GPC6: variants seen among roughly 807,000 people sequenced by gnomAD.
GPC6 encodes glypican 6, also known as glypican-6.
In GPC6, 14 loss-of-function variants were observed where a neutral mutation model predicts 55.2. The ratio of observed to expected loss-of-function variants is 0.25; its 90% confidence interval spans 0.17 to 0.40. The LOEUF (loss-of-function observed/expected upper bound fraction) is 0.40. Ranked by LOEUF, GPC6 falls within the 10% of genes least tolerant of loss-of-function variation. GPC6 has a pLI of 1.00. For missense variants in GPC6, 641 were observed against 708.5 expected, an observed-to-expected ratio of 0.90 and a Z score of 1.08; for synonymous variants, 278 against 259.6, an observed-to-expected ratio of 1.07 and a Z score of -0.68.
intron 1 of GPC6, among the ~76,000 whole-genome samples, chr13:93,345,086 C>T (rs1880383333): frequency 6.6e-6 from 1 of 152,060 alleles, no homozygotes; most frequent in Admixed American, 6.6e-5. Context: ...ACTGAATGCT[C>T]AAGATGATTT....
intron 8 of GPC6, among the ~76,000 whole-genome samples, chr13:94,402,070 T>C (rs1166481015): frequency 6.6e-6 from 1 of 152,200 alleles, no homozygotes; most frequent in East Asian, 1.9e-4. Context: ...TCATAGTTTG[T>C]CAACTTCTGG....
At chr13:94,079,786 G>A (rs1374428786) in intron 4 of GPC6, among the ~76,000 whole-genome samples, 2 of 152,100 alleles carry the variant, frequency 1.3e-5, no homozygotes, top group African/African-American at 4.8e-5. Flanking sequence ...TTATTTCTTT[G>A]TGTCTGTTTC....
At chr13:93,516,047 C>T (rs1881176810) in intron 1 of GPC6, among the ~76,000 whole-genome samples, 2 of 152,086 alleles carry the variant, frequency 1.3e-5, no homozygotes, top group South Asian at 4.1e-4. Context: ...GCTTTTCTTG[C>T]AACATTGGTG....
rs115335823 is a variant in GPC6 at position 94,014,445 on chromosome 13, T to C, written c.712-13284T>C. ...TGTGTCTTTAGCTCCGAAATCCCTT[T>C]ACACTCAAATATGGCAGTAGGAATT... On this transcript the variant is annotated intron_variant, in intron 3 of 8. Transcript: ENST00000377047. 5.5e-3 allele frequency among the ~76,000 whole-genome samples: 833 copies of C among 152,328 alleles called. 10 individuals carry two copies. Among genetic ancestry groups the C allele is most frequent in the African/African-American group, 0.019 (782 of 41,576 alleles).
intron 4 of GPC6, among the ~76,000 whole-genome samples, chr13:94,248,984 C>T (rs924672104): frequency 1.3e-5 from 2 of 152,000 alleles, no homozygotes; most frequent in Non-Finnish European, 2.9e-5. Context: ...GCATATTTTC[C>T]ATATTGTCAT....
intron 1 of GPC6, among the ~76,000 whole-genome samples, chr13:93,510,791 A>G (rs1432476774): frequency 6.7e-6 from 1 of 150,122 alleles, no homozygotes; most frequent in Non-Finnish European, 1.5e-5. Flanking sequence ...TTTTCTCTAC[A>G]TCCTCACCAA....
chr13:93,822,841 ATTATT>A (rs1256796554), intron 2 of GPC6, among the ~76,000 whole-genome samples: 2 of 146,818 alleles, frequency 1.4e-5, no homozygotes, highest in African/African-American at 5.1e-5. Context: ...TATTATTATT[ATTATT>A]ATTATTATTT....
Position 93,681,492 on chromosome 13 carries a change from T to A in GPC6, c.319+136071T>A, listed in dbSNP as rs79895503. ...GGCAAGAGCTGACAATAAAAACTAA[T>A]GGTAATAATATACAGAAATCAATTT... On this transcript the variant is annotated intron_variant, in intron 2 of 8. Transcript: ENST00000377047. 8.0e-3 allele frequency among the ~76,000 whole-genome samples: 1,221 copies of A among 152,270 alleles called. 23 individuals carry two copies. Among genetic ancestry groups the A allele is most frequent in the African/African-American group, 0.028 (1,167 of 41,556 alleles).
intron 1 of GPC6, among the ~76,000 whole-genome samples, chr13:93,243,122 G>C (rs1018818413): frequency 6.6e-6 from 1 of 152,194 alleles, no homozygotes; most frequent in Non-Finnish European, 1.5e-5. Flanking sequence ...TGGCAAAAAA[G>C]CTCTCCTTGA....
intron 1 of GPC6, among the ~76,000 whole-genome samples, chr13:93,430,708 T>C (rs977301839): frequency 6.6e-6 from 1 of 152,142 alleles, no homozygotes; most frequent in African/African-American, 2.4e-5. Flanking sequence ...TTAAAAATCC[T>C]TCTTATTTGC....
chr13:93,763,616 T>C (rs1346861540), intron 2 of GPC6, among the ~76,000 whole-genome samples: 1 of 152,234 alleles, frequency 6.6e-6, no homozygotes, highest in Admixed American at 6.5e-5. Context: ...TGGACAACTG[T>C]TCTTTCCAAA....
chr13:93,251,030 A>T (rs1483164929), intron 1 of GPC6, among the ~76,000 whole-genome samples: 1 of 152,142 alleles, frequency 6.6e-6, no homozygotes, highest in Non-Finnish European at 1.5e-5. Flanking sequence ...AAACCATCAG[A>T]TCTCGTGAGA....
At position 93,678,562 on chromosome 13, in the gene GPC6, A is replaced by G. The variant is rs528110213; in HGVS notation, c.319+133141A>G. 2.6e-5 allele frequency among the ~76,000 whole-genome samples: 4 copies of G among 152,272 alleles called. No individual in the cohort carries two copies. In the South Asian group the frequency reaches 8.3e-4, roughly 32 times the overall value. On this transcript the variant is annotated intron_variant, in intron 2 of 8. Transcript: ENST00000377047. Reference sequence around the variant, plus strand: ...TACCAGTGTATCTGGCAACACTTAAACCTAGACAATTGTGCAATATAAAGT... The same window carrying G: ...TACCAGTGTATCTGGCAACACTTAAGCCTAGACAATTGTGCAATATAAAGT...
At chr13:93,615,305 A>T (rs1481318011) in intron 2 of GPC6, among the ~76,000 whole-genome samples, 2 of 152,314 alleles carry the variant, frequency 1.3e-5, no homozygotes, top group East Asian at 3.9e-4. Context: ...GTCCAAAGTC[A>T]GTGTCTCTTC....
intron 1 of GPC6, among the ~76,000 whole-genome samples, chr13:93,243,192 C>G (rs1014654416): frequency 1.3e-5 from 2 of 152,202 alleles, no homozygotes; most frequent in African/African-American, 4.8e-5. Context: ...CCCACCTACC[C>G]TTTCCACAGA....
At chr13:93,401,767 G>A (rs1228012497) in intron 1 of GPC6, among the ~76,000 whole-genome samples, 2 of 125,402 alleles carry the variant, frequency 1.6e-5, no homozygotes, top group African/African-American at 6.1e-5. Context: ...TTTATTTTTT[G>A]TGTGTATATT....
chr13:94,090,778 C>A (rs9301935), intron 4 of GPC6, among the ~76,000 whole-genome samples: 29,471 of 152,014 alleles, frequency 0.19, 3,120 homozygotes, highest in East Asian at 0.33. Context: ...GCCCACATAA[C>A]AAGTGGAAGA....
intron 3 of GPC6, among the ~76,000 whole-genome samples, chr13:93,901,497 T>G (rs1397460073): frequency 6.6e-6 from 1 of 152,176 alleles, no homozygotes; most frequent in East Asian, 1.9e-4. Flanking sequence ...TTCAGTATTT[T>G]TAATACTGAT....
intron 1 of GPC6, among the ~76,000 whole-genome samples, chr13:93,236,537 C>T (rs2139009250): frequency 6.6e-6 from 1 of 152,274 alleles, no homozygotes; most frequent in African/African-American, 2.4e-5. Context: ...TGCGCTCTGC[C>T]TCCTGTCGAA....
Sources: gnomAD v4.1 joint callset for allele counts (sites outside exome capture counted in the v4.1 genomes callset) on GRCh38, gnomAD v4.1.1 for gene constraint, MANE v1.5 for transcripts, NCBI Gene and HGNC (gene_info 2026-07-23, HGNC 2026-07-21) for gene names.